Variants in ZNF536 observed in about 807,000 individuals in gnomAD.
The protein encoded by ZNF536 is zinc finger protein 536.
A neutral mutation model predicts 84.5 loss-of-function variants in ZNF536; 13 were observed. The ratio of observed to expected loss-of-function variants is 0.15; its 90% CI spans 0.10 to 0.24. ZNF536 has a LOEUF of 0.24. ZNF536 is among the 10% of genes least tolerant of loss of function. The pLI, the probability that ZNF536 is intolerant of heterozygous loss-of-function variation, is 1.00. For missense variants in ZNF536, 1,536 were observed against 1,747.5 expected, an observed-to-expected ratio of 0.88 and a Z score of 2.16; for synonymous variants, 811 against 742.5, an observed-to-expected ratio of 1.09 and a Z score of -1.50.
intron 1 of ZNF536, among the ~76,000 whole-genome samples, chr19:30,626,249 T>C (rs937117991): frequency 6.6e-6 from 1 of 152,242 alleles, no homozygotes; most frequent in Non-Finnish European, 1.5e-5. Context: ...TCTCTGCCGA[T>C]GGCCAGGGGA....
intron 1 of ZNF536, among the ~76,000 whole-genome samples, chr19:30,647,008 C>T (rs1373027482): frequency 2.0e-5 from 3 of 152,198 alleles, no homozygotes; most frequent in African/African-American, 7.2e-5. Context: ...ACCACACTCA[C>T]ACCCAAACTC....
intron 1 of ZNF536, among the ~76,000 whole-genome samples, chr19:30,640,675 C>T (rs372768929): frequency 2.8e-4 from 43 of 152,332 alleles, no homozygotes; most frequent in African/African-American, 9.4e-4. Flanking sequence ...CTGAATATCC[C>T]TCTGTGCAGG....
At chr19:30,580,666 C>T (rs2046889611) in intron 1 of ZNF536, among the ~76,000 whole-genome samples, 2 of 152,218 alleles carry the variant, frequency 1.3e-5, no homozygotes, top group Admixed American at 6.5e-5. Context: ...TCTAAGCCCT[C>T]TGGGTTCAGG....
At chr19:30,696,473 T>G (rs1159645327) in intron 1 of ZNF536, among the ~76,000 whole-genome samples, 1 of 152,246 alleles carries the variant, frequency 6.6e-6, no homozygotes, top group Non-Finnish European at 1.5e-5. Context: ...GAAGGTTATT[T>G]AATGATAAAC....
At chr19:30,491,962 T>C (rs1284779669) in intron 2 of ZNF536, among the ~76,000 whole-genome samples, 1 of 152,198 alleles carries the variant, frequency 6.6e-6, no homozygotes. Context: ...TGCTACAGTT[T>C]ATGGCTCTAG....
intron 1 of ZNF536, among the ~76,000 whole-genome samples, chr19:30,655,308 G>C (rs755121379): frequency 2.5e-4 from 38 of 152,192 alleles, no homozygotes; most frequent in African/African-American, 8.7e-4. Context: ...TCTTCTCAGA[G>C]AGCTTTGCTC....
At chr19:30,244,298 AC>A (rs921241889) in intron 1 of ZNF536, among the ~76,000 whole-genome samples, 4 of 149,960 alleles carry the variant, frequency 2.7e-5, no homozygotes, top group African/African-American at 9.8e-5. Flanking sequence ...AGAACGATCC[AC>A]CCCCCCACCC....
chr19:30,376,945 A>G (rs1600457040), intron 1 of ZNF536, among the ~76,000 whole-genome samples: 1 of 152,146 alleles, frequency 6.6e-6, no homozygotes, highest in East Asian at 1.9e-4. Context: ...GATGGCCAAC[A>G]GGTGTTTGCA....
rs571241302 is a variant in ZNF536, at chr19:30,445,985, C to A, written c.2170+253C>A. On this transcript the variant is annotated intron_variant, in intron 2 of 4. Coordinates refer to ENST00000355537, the MANE Select transcript of ZNF536 (RefSeq NM_014717.3). The surrounding 1 kb of genome is among the most constrained non-coding windows in gnomAD (Gnocchi z 4.5). Reference sequence around the variant, plus strand: ...AGTTGAGGCCGGGTGTGGTGGCTCACGCCTGTAATCCCAGCACTTTGGGCG... The same window carrying A: ...AGTTGAGGCCGGGTGTGGTGGCTCAAGCCTGTAATCCCAGCACTTTGGGCG... Among the ~76,000 whole-genome samples the A allele has an allele frequency of 3.9e-5, 6 of 152,144 alleles. No individual in the cohort carries two copies. The East Asian group carries it at 1.2e-3, about 29-fold the overall frequency.
At chr19:30,425,684 A>T (rs2051183537) in intron 1 of ZNF536, among the ~76,000 whole-genome samples, 2 of 151,380 alleles carry the variant, frequency 1.3e-5, no homozygotes, top group Admixed American at 1.3e-4. Context: ...CCTAGTTATC[A>T]CTCTCGTTGG....
chr19:30,400,412 AT>A (rs933696925), intron 1 of ZNF536, among the ~76,000 whole-genome samples: 7 of 152,274 alleles, frequency 4.6e-5, no homozygotes, highest in Middle Eastern at 3.4e-3. Context: ...TTTGAACAGA[AT>A]TTTAACTGTT....
intron 2 of ZNF536, among the ~76,000 whole-genome samples, chr19:30,469,318 A>G (rs2053539468): frequency 1.3e-5 from 2 of 152,078 alleles, no homozygotes; most frequent in Non-Finnish European, 1.5e-5. Flanking sequence ...AGGCTGAGGC[A>G]GGAGGATGGC....
rs2052270237 is a variant in ZNF536 at position 30,445,308 on chromosome 19, G to C, written c.1746G>C (p.Leu582Phe). ...DGSKQKMPAD[L>F]VHSTKVGSQR... Reference sequence around the variant, plus strand: ...CCAAGCAGAAAATGCCTGCTGATTTGGTTCACAGCACTAAAGTGGGCAGCC... The same window carrying C: ...CCAAGCAGAAAATGCCTGCTGATTTCGTTCACAGCACTAAAGTGGGCAGCC... The change falls in exon 2 of 5, where the codon TTG becomes TTC. Residue 582 changes from leucine (L) to phenylalanine (F), a missense_variant. Coordinates refer to ENST00000355537, the MANE Select transcript of ZNF536 (RefSeq NM_014717.3). This position sits in a 1 kb window ranked among gnomAD's most constrained non-coding sequence, Gnocchi z 4.5. The C allele has an allele frequency of 6.2e-7, 1 of 1,614,068 alleles. No homozygotes were observed. Among genetic ancestry groups the C allele is most frequent in the Non-Finnish European group, 8.5e-7 (1 of 1,180,054 alleles).
chr19:30,484,725 A>T (rs2054232908), intron 2 of ZNF536, among the ~76,000 whole-genome samples: 1 of 146,886 alleles, frequency 6.8e-6, no homozygotes, highest in African/African-American at 2.5e-5. Flanking sequence ...TTTTGGAAAG[A>T]CTGTGGAACT....
intron 2 of ZNF536, among the ~76,000 whole-genome samples, chr19:30,312,648 G>T (rs989471707): frequency 6.6e-6 from 1 of 152,178 alleles, no homozygotes; most frequent in African/African-American, 2.4e-5. Flanking sequence ...GGGGGACCAG[G>T]TGTCCAGAAC....
intron 1 of ZNF536, among the ~76,000 whole-genome samples, chr19:30,691,170 C>T (rs79857687): frequency 6.6e-6 from 1 of 152,114 alleles, no homozygotes; most frequent in Non-Finnish European, 1.5e-5. Flanking sequence ...GACCGCTGAC[C>T]AGCTGGCTGA....
chr19:30,291,266 G>T (rs893120127), intron 2 of ZNF536, among the ~76,000 whole-genome samples: 35 of 152,298 alleles, frequency 2.3e-4, no homozygotes, highest in African/African-American at 7.0e-4. Flanking sequence ...TTACCACACT[G>T]TCTTCCACAA....
At chr19:30,370,367 A>G (rs1421312028), upstream of ZNF536, among the ~76,000 whole-genome samples, 1 of 152,212 alleles carries the variant, frequency 6.6e-6, no homozygotes. Context: ...ATTTAGGGAA[A>G]TTTGAACTAA....
chr19:30,304,995 C>T (rs190148252), intron 2 of ZNF536, among the ~76,000 whole-genome samples: 34 of 152,346 alleles, frequency 2.2e-4, no homozygotes, highest in Non-Finnish European at 4.6e-4. Flanking sequence ...TTTCCCAGCT[C>T]ATTTGCTCCT....
Sources: allele counts gnomAD v4.1 joint callset (sites outside exome capture counted in the v4.1 genomes callset), GRCh38; gene constraint gnomAD v4.1.1; non-coding constraint Gnocchi (gnomAD v3.1); transcripts MANE v1.5; gene names NCBI Gene and HGNC (gene_info 2026-07-23, HGNC 2026-07-21).